TAOK3: variants seen among roughly 807,000 people sequenced by gnomAD.
TAOK3 encodes the protein TAO kinase 3.
A neutral mutation model predicts 120.4 loss-of-function variants in TAOK3; 40 were observed. That is an observed-to-expected ratio of 0.33 (90% confidence interval 0.26 to 0.43). The LOEUF (loss-of-function observed/expected upper bound fraction) is 0.43, where lower values mean the gene tolerates loss of function less well. TAOK3 is among the 20% of genes least tolerant of loss of function. TAOK3 has a pLI of 1.00. For missense variants in TAOK3, 821 were observed against 1,112.1 expected (o/e 0.74, Z 3.72); for synonymous variants, 355 against 387.5 (o/e 0.92, Z 0.99).
At chr12:118,259,458 C>G (rs1444705947) in intron 2 of TAOK3, among the ~76,000 whole-genome samples, 2 of 152,082 alleles carry the variant, frequency 1.3e-5, no homozygotes, top group African/African-American at 4.8e-5. Flanking sequence ...GAAAGACCAC[C>G]AGAGCCCGGA....
chr12:118,209,407 T>G (rs2038502727), intron 11 of TAOK3, among the ~76,000 whole-genome samples: 1 of 152,108 alleles, frequency 6.6e-6, no homozygotes, highest in Non-Finnish European at 1.5e-5. Flanking sequence ...TGTTCTACCT[T>G]CTCTTATTAT....
intron 3 of TAOK3, among the ~76,000 whole-genome samples, chr12:118,254,493 T>C (rs1309749472): frequency 6.6e-6 from 1 of 152,248 alleles, no homozygotes; most frequent in Non-Finnish European, 1.5e-5. Context: ...CGTAATTGTT[T>C]TATTACAACT....
At chr12:118,179,097 C>G (rs2036532322) in intron 15 of TAOK3, among the ~76,000 whole-genome samples, 1 of 152,332 alleles carries the variant, frequency 6.6e-6, no homozygotes, top group Admixed American at 6.5e-5. Context: ...CAACATCATC[C>G]TTGTCTGGGC....
chr12:118,254,640 C>A (rs1475305473), intron 3 of TAOK3, among the ~76,000 whole-genome samples: 3 of 151,824 alleles, frequency 2.0e-5, no homozygotes, highest in African/African-American at 7.3e-5. Flanking sequence ...AACGGACAGG[C>A]ATGGGGATGT....
intron 17 of TAOK3, 143 bp from the exon 18 acceptor site, chr12:118,162,170 A>C (rs2035263918): frequency 4.7e-6 from 5 of 1,074,030 alleles, no homozygotes; most frequent in Non-Finnish European, 6.6e-6. Context: ...GCAGGACTTA[A>C]TGAGATTAAA....
chr12:118,289,313 A>AG (rs1386266162), intron 1 of TAOK3, among the ~76,000 whole-genome samples: 8 of 150,412 alleles, frequency 5.3e-5, no homozygotes, highest in African/African-American at 1.7e-4. Flanking sequence ...AAAAAAAAAA[A>AG]AAAAGAAAAC....
rs761985286 is a variant in TAOK3 at position 118,214,110 on chromosome 12, G to T, written c.644C>A (p.Ala215Glu). The T allele has an allele frequency of 1.2e-6, 2 of 1,606,332 alleles. No individual in the cohort carries two copies. The highest frequency in any genetic ancestry group is 1.1e-5 in the South Asian group (1 of 89,402). ...GTTGAAAAGGGGCGGCTTCCGTTCCGCTGGAAGAGGAAAGAAACACAATAA... is the reference window on the plus strand; with the variant it reads ...GTTGAAAAGGGGCGGCTTCCGTTCCTCTGGAAGAGGAAAGAAACACAATAA... ...WSLGITCIEL[A>E]ERKPPLFNMN... Residue 215 changes from alanine to glutamate, a missense_variant and splice_region_variant, in exon 10 of 21, where the codon GCG becomes GAG. Ala to Glu is a moderately radical substitution (Grantham distance 107, BLOSUM62 -1). Coordinates refer to ENST00000392533, the MANE Select transcript of TAOK3 (RefSeq NM_016281.4).
chr12:118,304,588 C>T (rs377316744), intron 1 of TAOK3, among the ~76,000 whole-genome samples: 2 of 152,070 alleles, frequency 1.3e-5, no homozygotes, highest in South Asian at 2.1e-4. Flanking sequence ...ACAATGTTCT[C>T]TTAAAAAAAA....
chr12:118,257,141 A>C (rs1437363488), intron 2 of TAOK3, among the ~76,000 whole-genome samples: 1 of 152,228 alleles, frequency 6.6e-6, no homozygotes, highest in African/African-American at 2.4e-5. Flanking sequence ...TCAGAAAGCC[A>C]GTATTTGTCA....
At chr12:118,271,885 T>C (rs536294176) in intron 1 of TAOK3, among the ~76,000 whole-genome samples, 12 of 152,312 alleles carry the variant, frequency 7.9e-5, no homozygotes, top group East Asian at 5.8e-4. Flanking sequence ...AATAAGTTTT[T>C]CCCTCTTCCT....
Position 118,151,115 on chromosome 12 carries a change from C to T in TAOK3, c.2579G>A (p.Arg860Lys). ...TTGCCTTTCCAATAGGTTCTTTATTCTCTCGCTGCGTTCCTTCTGAAGGGC... is the reference window on the plus strand; with the variant it reads ...TTGCCTTTCCAATAGGTTCTTTATTTTCTCGCTGCGTTCCTTCTGAAGGGC... ...LAALQKERSE[R>K]IKNLLERQER... The change falls in exon 21 of 21, where the codon AGA (arginine) becomes AAA (lysine). Residue 860 changes from arginine to lysine, a missense_variant. This residue lies in a region of TAOK3 where 354 missense variants were observed against 572.1 expected (regional missense o/e 0.62). Coordinates refer to ENST00000392533, the MANE Select transcript of TAOK3 (RefSeq NM_016281.4). 1.2e-6 allele frequency: 2 copies of T among 1,613,836 alleles called. No individual in the cohort carries two copies. The highest frequency in any genetic ancestry group is 1.7e-6 in the Non-Finnish European group (2 of 1,180,000).
At chr12:118,154,917 C>T (rs1029933015) in intron 19 of TAOK3, among the ~76,000 whole-genome samples, 12 of 152,064 alleles carry the variant, frequency 7.9e-5, no homozygotes, top group Non-Finnish European at 1.3e-4. Context: ...TGTGACCTTC[C>T]CCCTTATCCC....
intron 1 of TAOK3, among the ~76,000 whole-genome samples, chr12:118,270,972 C>G (rs1476182843): frequency 6.6e-6 from 1 of 152,092 alleles, no homozygotes; most frequent in East Asian, 1.9e-4. Context: ...CCACCACGCC[C>G]GGCTAAATGT....
intron 1 of TAOK3, among the ~76,000 whole-genome samples, chr12:118,285,866 T>C (rs932827185): frequency 2.0e-5 from 3 of 152,168 alleles, no homozygotes; most frequent in Non-Finnish European, 4.4e-5. Flanking sequence ...AATCAACATA[T>C]GCAAGATGAA....
At chr12:118,202,773 CTTTTTTTTTTT>C (rs58282262) in intron 11 of TAOK3, among the ~76,000 whole-genome samples, 2 of 100,636 alleles carry the variant, frequency 2.0e-5, no homozygotes, top group Non-Finnish European at 1.9e-5. Flanking sequence ...ATAGTCTATT[CTTTTTTTTTTT>C]TTTTTTTTTT....
chr12:118,181,829 C>T (rs1044707646), intron 14 of TAOK3, among the ~76,000 whole-genome samples: 2 of 152,194 alleles, frequency 1.3e-5, no homozygotes, highest in Non-Finnish European at 2.9e-5. Context: ...TCATTCATTT[C>T]ATTCATGAGG....
At chr12:118,217,816 CATATATAT>C (rs57197721) in intron 9 of TAOK3, among the ~76,000 whole-genome samples, 573 of 45,946 alleles carry the variant, frequency 0.012, 15 homozygotes, top group African/African-American at 0.023. Context: ...TGTGTGTATA[CATATATAT>C]ATATATATAT....
rs538201784 is a variant in TAOK3 at position 118,181,264 on chromosome 12, C to T, written c.1566+107G>A. On this transcript the variant is annotated intron_variant, in intron 15 of 20. Transcript: ENST00000392533. Reference sequence around the variant, plus strand: ...AAACCCAATTTTGCCACCCCGGAAACAACAATTTTCCTCCATCCCCCACTC... The same window carrying T: ...AAACCCAATTTTGCCACCCCGGAAATAACAATTTTCCTCCATCCCCCACTC... The T allele has an allele frequency of 4.7e-4, 470 of 995,154 alleles. 6 individuals carry two copies. The South Asian group carries it at 6.0e-3, about 13-fold the overall frequency. The allele number at this position is 995,154 out of a possible 1,614,324, so 61.6% of individuals were successfully genotyped here. A position where few individuals can be genotyped will look rare whatever the true frequency, so the allele number is the denominator to read the frequency against.
chr12:118,348,094 G>T (rs2044950524), intron 1 of TAOK3, among the ~76,000 whole-genome samples: 1 of 152,104 alleles, frequency 6.6e-6, no homozygotes, highest in African/African-American at 2.4e-5. Flanking sequence ...AAAATACATT[G>T]ATTATGTCCA....
Sources: allele counts gnomAD v4.1 joint callset (sites outside exome capture counted in the v4.1 genomes callset), GRCh38; gene constraint gnomAD v4.1.1; regional missense constraint gnomAD v4.1.1; transcripts MANE v1.5; gene names NCBI Gene and HGNC (gene_info 2026-07-23, HGNC 2026-07-21).